ZBTB38: variants seen among roughly 807,000 people sequenced by gnomAD.
ZBTB38 encodes the protein zinc finger and BTB domain-containing protein 38.
A neutral mutation model predicts 76.8 loss-of-function variants in ZBTB38; 20 were observed. That is an observed-to-expected ratio of 0.26 (90% CI 0.18 to 0.38). ZBTB38 has a LOEUF of 0.38. Among genes scored for constraint, ZBTB38 ranks in the 10% least tolerant of loss-of-function variants. The pLI is 1.00. For missense variants in ZBTB38, 1,082 were observed against 1,482.3 expected (o/e 0.73, Z 4.43); for synonymous variants, 504 against 544.2 (o/e 0.93, Z 1.03).
At chr3:141,417,489 G>T (rs2074332059) in intron 5 of ZBTB38, among the ~76,000 whole-genome samples, 1 of 152,146 alleles carries the variant, frequency 6.6e-6, no homozygotes, top group South Asian at 2.1e-4. Context: ...AGTCATTCTT[G>T]CTCCACTGCC....
chr3:141,438,522 C>T (rs1017942189), intron 5 of ZBTB38, among the ~76,000 whole-genome samples: 5 of 152,056 alleles, frequency 3.3e-5, no homozygotes, highest in Admixed American at 3.3e-4. Context: ...ACGCCTGGCC[C>T]ACCCCATCCC....
chr3:141,426,032 T>G, intron 5 of ZBTB38: 1 of 707,470 alleles, frequency 1.4e-6, no homozygotes, highest in Non-Finnish European at 2.2e-6. Context: ...GGATGACATA[T>G]GTAGGTGACT....
intron 2 of ZBTB38, among the ~76,000 whole-genome samples, chr3:141,370,276 T>C (rs990846816): frequency 1.3e-5 from 2 of 152,214 alleles, no homozygotes; most frequent in African/African-American, 4.8e-5. Context: ...TAGGGGTGTC[T>C]CCACTCCTCA....
chr3:141,427,970 G>A (rs1475556131), intron 5 of ZBTB38: 2 of 152,428 alleles, frequency 1.3e-5, no homozygotes, highest in Admixed American at 1.3e-4. Flanking sequence ...GGCGGCACCT[G>A]GAAAATGCCT....
intron 4 of ZBTB38, chr3:141,387,503 G>C (rs969627138): frequency 6.6e-6 from 1 of 152,108 alleles, no homozygotes; most frequent in Non-Finnish European, 1.5e-5. Flanking sequence ...AAGCAACTTG[G>C]GTTCTCAAAT....
chr3:141,353,683 A>G (rs1005839358), intron 1 of ZBTB38, among the ~76,000 whole-genome samples: 1 of 152,138 alleles, frequency 6.6e-6, no homozygotes, highest in Non-Finnish European at 1.5e-5. Flanking sequence ...TATCTTCCAC[A>G]GCGCCTTAGC....
At chr3:141,337,281 A>G (rs1432237488) in intron 1 of ZBTB38, among the ~76,000 whole-genome samples, 2 of 152,248 alleles carry the variant, frequency 1.3e-5, no homozygotes, top group African/African-American at 4.8e-5. Flanking sequence ...ATGTCCAAAC[A>G]CGTAGAAATG....
At chr3:141,369,348 T>C (rs775444035) in intron 1 of ZBTB38, among the ~76,000 whole-genome samples, 21 of 152,210 alleles carry the variant, frequency 1.4e-4, no homozygotes, top group Non-Finnish European at 2.2e-4. Context: ...TGAACCTCCA[T>C]TATCTTATCG....
At chr3:141,353,894 C>T (rs570683035) in intron 1 of ZBTB38, among the ~76,000 whole-genome samples, 3 of 152,234 alleles carry the variant, frequency 2.0e-5, no homozygotes, top group East Asian at 1.9e-4. Context: ...GTTGTTCCTC[C>T]GGCAAGTGTG....
At position 141,445,700 on chromosome 3, in the gene ZBTB38, G is replaced by T. The variant is rs750656095; in HGVS notation, c.3312G>T (p.Leu1104Phe). Residue 1104 changes from leucine to phenylalanine, a missense_variant, in exon 6 of 6, where the codon TTG (leucine) becomes TTT (phenylalanine). By Grantham distance (22) the Leu-to-Phe change is conservative (BLOSUM62 0). Transcript: ENST00000321464. The surrounding 1 kb of genome is among the most constrained non-coding windows in gnomAD (Gnocchi z 6.5). ...GTCAGTTCTGCTTTCAGAGATTTTT[G>T]TATCTCTCCACCAAAAGGAATCACG... is the stretch of plus-strand genomic sequence containing the variant. ...YHCQFCFQRFLYLSTKRNHEQ... is the reference protein window; with the variant it reads ...YHCQFCFQRFFYLSTKRNHEQ... The T allele has an allele frequency of 6.2e-7, 1 of 1,614,022 alleles. No homozygotes were observed. The highest frequency in any genetic ancestry group is 1.3e-5 in the African/African-American group (1 of 74,914).
At chr3:141,372,691 G>A (rs1944813826) in intron 2 of ZBTB38, among the ~76,000 whole-genome samples, 1 of 151,798 alleles carries the variant, frequency 6.6e-6, no homozygotes, top group Non-Finnish European at 1.5e-5. Flanking sequence ...GGGGAATACA[G>A]TGCCTGCTAG....
At chr3:141,406,910 T>G (rs995576051) in intron 5 of ZBTB38, among the ~76,000 whole-genome samples, 1 of 152,172 alleles carries the variant, frequency 6.6e-6, no homozygotes, top group Non-Finnish European at 1.5e-5. Context: ...TAAGGTAATA[T>G]GACGTGTATG....
chr3:141,397,904 A>C (rs181571120), intron 4 of ZBTB38, among the ~76,000 whole-genome samples: 18 of 152,374 alleles, frequency 1.2e-4, no homozygotes, highest in African/African-American at 3.8e-4. Flanking sequence ...GAGAATTACT[A>C]AAATGTGACA....
At chr3:141,396,966 G>A (rs778990045) in intron 4 of ZBTB38, among the ~76,000 whole-genome samples, 2 of 152,160 alleles carry the variant, frequency 1.3e-5, no homozygotes. Context: ...TTTCATAATG[G>A]TCAATGGGCA....
At chr3:141,428,507 C>T (rs544137552) in intron 5 of ZBTB38, among the ~76,000 whole-genome samples, 2 of 151,890 alleles carry the variant, frequency 1.3e-5, no homozygotes, top group Admixed American at 6.5e-5. Context: ...TTTTTTTAGA[C>T]GGAGTTTTGC....
chr3:141,389,862 T>C (rs1468704111), intron 4 of ZBTB38: 1 of 152,222 alleles, frequency 6.6e-6, no homozygotes, highest in African/African-American at 2.4e-5. Flanking sequence ...ATTTCTTCTT[T>C]ATAGAATGTC....
At chr3:141,357,986 A>G (rs1252828959) in intron 1 of ZBTB38, among the ~76,000 whole-genome samples, 1 of 152,220 alleles carries the variant, frequency 6.6e-6, no homozygotes, top group Non-Finnish European at 1.5e-5. Flanking sequence ...GTTTCCCAAT[A>G]AAGATCATAC....
chr3:141,387,701 G>C (rs1947512882), intron 4 of ZBTB38: 1 of 152,186 alleles, frequency 6.6e-6, no homozygotes, highest in Non-Finnish European at 1.5e-5. Flanking sequence ...CTGTTTTCCT[G>C]TTGATAAATT....
chr3:141,408,555 A>G (rs1289734756), intron 5 of ZBTB38, among the ~76,000 whole-genome samples: 2 of 149,402 alleles, frequency 1.3e-5, no homozygotes, highest in African/African-American at 4.9e-5. Flanking sequence ...TCAAAAAAGA[A>G]AAAAAAAAAG....
Sources: allele counts gnomAD v4.1 joint callset (sites outside exome capture counted in the v4.1 genomes callset), GRCh38; gene constraint gnomAD v4.1.1; non-coding constraint Gnocchi (gnomAD v3.1); transcripts MANE v1.5; gene names NCBI Gene and HGNC (gene_info 2026-07-23, HGNC 2026-07-21).